Variants in AGBL4 observed in about 807,000 individuals in gnomAD.
AGBL4 encodes the protein cytosolic carboxypeptidase 6.
In AGBL4, 58 loss-of-function variants were observed where a neutral mutation model predicts 66.4. The observed-to-expected ratio is 0.87, with a 90% confidence interval of 0.71 to 1.09. The LOEUF is 1.09. Ranked by LOEUF, AGBL4 falls within the 50% of genes least tolerant of loss-of-function variation. The pLI is 0.00. For synonymous variants in AGBL4, 234 were observed against 222.9 expected (o/e 1.05, Z -0.44); for missense variants, 579 against 631.0 (o/e 0.92, Z 0.88).
intron 3 of AGBL4, among the ~76,000 whole-genome samples, chr1:49,342,260 A>C (rs1366075312): frequency 6.6e-6 from 1 of 152,188 alleles, no homozygotes; most frequent in African/African-American, 2.4e-5. Flanking sequence ...GATGAGAAAA[A>C]GGATTTGTGA....
At chr1:48,565,098 G>C (rs1644455393) in intron 11 of AGBL4, among the ~76,000 whole-genome samples, 1 of 152,148 alleles carries the variant, frequency 6.6e-6, no homozygotes. Context: ...CATACACCTG[G>C]CCCAGGCAAG....
At chr1:48,966,215 G>A (rs1658402028) in intron 5 of AGBL4, among the ~76,000 whole-genome samples, 1 of 152,110 alleles carries the variant, frequency 6.6e-6, no homozygotes, top group Non-Finnish European at 1.5e-5. Flanking sequence ...TCAAAAAGAA[G>A]AAAGAATGTG....
At chr1:48,597,776 G>T in intron 9 of AGBL4, among the ~76,000 whole-genome samples, 1 of 147,166 alleles carries the variant, frequency 6.8e-6, no homozygotes, top group African/African-American at 2.5e-5. Flanking sequence ...AAGGAAGAAA[G>T]GGTGGAAGGA....
chr1:49,745,146 C>T (rs1355373432), intron 2 of AGBL4, among the ~76,000 whole-genome samples: 3 of 151,982 alleles, frequency 2.0e-5, no homozygotes, highest in Non-Finnish European at 4.4e-5. Flanking sequence ...TGACCCAACA[C>T]TTCAGATTCA....
At chr1:48,814,578 G>T in intron 6 of AGBL4, among the ~76,000 whole-genome samples, 2 of 148,658 alleles carry the variant, frequency 1.3e-5, no homozygotes, top group South Asian at 2.1e-4. Flanking sequence ...CTTGTATCCT[G>T]TAGCAAATCT....
chr1:48,606,884 T>C (rs1490782545), intron 9 of AGBL4, among the ~76,000 whole-genome samples: 1 of 152,208 alleles, frequency 6.6e-6, no homozygotes, highest in African/African-American at 2.4e-5. Context: ...TGCTGTAAGA[T>C]GGCACGAGGA....
chr1:49,530,832 A>T (rs1297632282), intron 3 of AGBL4, among the ~76,000 whole-genome samples: 1 of 152,058 alleles, frequency 6.6e-6, no homozygotes, highest in African/African-American at 2.4e-5. Flanking sequence ...CTAGTGTTAG[A>T]CTACCTGGAT....
intron 6 of AGBL4, among the ~76,000 whole-genome samples, chr1:48,827,995 T>TACAC (rs375257744): frequency 0.091 from 10,687 of 116,840 alleles, 632 homozygotes; most frequent in South Asian, 0.15. Context: ...CTACTAAAAA[T>TACAC]ACACACACAC....
chr1:49,119,659 A>T (rs1308646283), intron 4 of AGBL4, among the ~76,000 whole-genome samples: 2 of 152,216 alleles, frequency 1.3e-5, no homozygotes, highest in Non-Finnish European at 2.9e-5. Context: ...TGGTGCTGAG[A>T]AGAATGTATA....
intron 5 of AGBL4, among the ~76,000 whole-genome samples, chr1:48,904,001 A>T (rs1652333165): frequency 1.3e-5 from 2 of 152,196 alleles, no homozygotes; most frequent in African/African-American, 4.8e-5. Flanking sequence ...GATCTCGGCC[A>T]GGCATGGTGG....
intron 1 of AGBL4, among the ~76,000 whole-genome samples, chr1:49,955,264 C>T (rs978056820): frequency 2.6e-5 from 4 of 151,954 alleles, no homozygotes; most frequent in East Asian, 1.9e-4. Context: ...ACAGAAGTTT[C>T]ATTGAGTATA....
intron 4 of AGBL4, among the ~76,000 whole-genome samples, chr1:49,148,716 G>A (rs182761214): frequency 1.1e-4 from 16 of 152,324 alleles, no homozygotes; most frequent in Admixed American, 4.6e-4. Context: ...AGGACTAGCA[G>A]TGACAATTGG....
At chr1:48,678,955 G>T (rs1646411959) in intron 6 of AGBL4, among the ~76,000 whole-genome samples, 1 of 152,182 alleles carries the variant, frequency 6.6e-6, no homozygotes, top group African/African-American at 2.4e-5. Context: ...TTGAACATGG[G>T]GTGATTTCCC....
At chr1:49,666,649 C>T (rs1646376351) in intron 3 of AGBL4, among the ~76,000 whole-genome samples, 1 of 151,828 alleles carries the variant, frequency 6.6e-6, no homozygotes, top group Non-Finnish European at 1.5e-5. Context: ...TACATAATTA[C>T]CACTTAAAAT....
chr1:48,819,482 G>A (rs1646262628), intron 6 of AGBL4, among the ~76,000 whole-genome samples: 1 of 152,190 alleles, frequency 6.6e-6, no homozygotes, highest in Admixed American at 6.5e-5. Context: ...CATATGCCAA[G>A]AAGGTCTCTC....
chr1:48,745,894 C>T (rs75899910), intron 6 of AGBL4, among the ~76,000 whole-genome samples: 3 of 152,008 alleles, frequency 2.0e-5, no homozygotes, highest in Non-Finnish European at 2.9e-5. Context: ...ATCAGATGTA[C>T]TTGTTCGTCT....
intron 2 of AGBL4, among the ~76,000 whole-genome samples, chr1:49,749,962 T>C (rs1651319503): frequency 6.6e-6 from 1 of 152,176 alleles, no homozygotes; most frequent in Non-Finnish European, 1.5e-5. Flanking sequence ...GACAGACCTA[T>C]ACATGTATGT....
rs939955179 is a variant in AGBL4 at position 48,689,203 on chromosome 1, C to CAAAAAAAAAA, written c.635-25972_635-25963dup. ...TGGGTGACAGAGCGAGACCCGGTCT[C>CAAAAAAAAAA]AAAAAAAAAAAAAAAAAAAAGAAAA... On this transcript the variant is annotated intron_variant, in intron 6 of 13. Coordinates refer to ENST00000371839, the MANE Select transcript of AGBL4 (RefSeq NM_032785.4). Among the ~76,000 whole-genome samples, 30 of 52,798 alleles carry CAAAAAAAAAA rather than the reference C, an allele frequency of 5.7e-4. 1 individual carries two copies. The highest frequency in any genetic ancestry group is 7.2e-4 in the Non-Finnish European group (17 of 23,724). 34.6% of individuals were successfully genotyped at this position (52,798 alleles called of 152,430 possible).
At chr1:48,687,341 AG>A (rs1226223004) in intron 6 of AGBL4, among the ~76,000 whole-genome samples, 1 of 152,178 alleles carries the variant, frequency 6.6e-6, no homozygotes, top group Non-Finnish European at 1.5e-5. Context: ...GGGACAGAGC[AG>A]GGCTGCTTAA....
Sources: allele counts gnomAD v4.1 joint callset (sites outside exome capture counted in the v4.1 genomes callset), GRCh38; gene constraint gnomAD v4.1.1; transcripts MANE v1.5; gene names NCBI Gene and HGNC (gene_info 2026-07-23, HGNC 2026-07-21).